The following TRIM71 variants were observed in gnomAD, a reference collection of about 807,000 sequenced individuals.
TRIM71 encodes E3 ubiquitin-protein ligase TRIM71.
TRIM71 carries 9 observed loss-of-function variants against 61.2 expected under a neutral mutation model. The ratio of observed to expected loss-of-function variants is 0.15; its 90% confidence interval spans 0.09 to 0.26. TRIM71 has a LOEUF of 0.26. TRIM71 is among the 10% of genes least tolerant of loss of function. The pLI, the probability that TRIM71 is intolerant of heterozygous loss-of-function variation, is 1.00. For missense variants in TRIM71, 998 were observed against 1,238.7 expected, an observed-to-expected ratio of 0.81 and a Z score of 2.92; for synonymous variants, 645 against 553.2, an observed-to-expected ratio of 1.17 and a Z score of -2.33.
At chr3:32,839,546 G>C (rs1696378993) in intron 1 of TRIM71, among the ~76,000 whole-genome samples, 1 of 151,918 alleles carries the variant, frequency 6.6e-6, no homozygotes, top group Non-Finnish European at 1.5e-5. Flanking sequence ...TGTTACCAAG[G>C]AGGAACGTCT....
In TRIM71 at chr3:32,818,067, G is replaced by T; in HGVS notation, c.-14G>T. On this transcript the variant is annotated 5_prime_UTR_variant, in exon 1 of 4. Coordinates refer to ENST00000383763, the MANE Select transcript of TRIM71 (RefSeq NM_001039111.3). Reference sequence around the variant, plus strand: ...TCCTCTCTGGTCTCCTCCCTCCTCCGGGCTGGGTTGCAAATGGCTTCGTTC... The same window carrying T: ...TCCTCTCTGGTCTCCTCCCTCCTCCTGGCTGGGTTGCAAATGGCTTCGTTC... 6.2e-7 allele frequency: 1 copy of T among 1,609,426 alleles called. No individual in the cohort carries two copies. Among genetic ancestry groups the T allele is most frequent in the Non-Finnish European group, 8.5e-7 (1 of 1,177,456 alleles).
At chr3:32,829,087 A>G (rs1440918509) in intron 1 of TRIM71, among the ~76,000 whole-genome samples, 1 of 151,372 alleles carries the variant, frequency 6.6e-6, no homozygotes, top group African/African-American at 2.4e-5. Flanking sequence ...TCCGCTTCCC[A>G]GGTTCAAGCA....
At chr3:32,840,454 A>G (rs1265581674) in intron 1 of TRIM71, among the ~76,000 whole-genome samples, 3 of 152,166 alleles carry the variant, frequency 2.0e-5, no homozygotes, top group Non-Finnish European at 4.4e-5. Flanking sequence ...GTTTTGGCCT[A>G]TTTCCTATAG....
At position 32,818,255 on chromosome 3, in the gene TRIM71, C is replaced by T. The variant is rs2125671745; in HGVS notation, c.175C>T (p.Leu59=). ...GGCGGCGGCGCGCCGCCTACACGTC[C>T]TGCCCTGCCTGCACGCCTTCTGCCG... ...PGAAARRLHV[L]PCLHAFCRPC... Residue 59 remains leucine, a synonymous_variant, in exon 1 of 4, where the codon CTG becomes TTG. Coordinates refer to ENST00000383763, the MANE Select transcript of TRIM71 (RefSeq NM_001039111.3). 2.8e-6 allele frequency: 4 copies of T among 1,447,708 alleles called. No individual in the cohort carries two copies. Among genetic ancestry groups the T allele is most frequent in the Middle Eastern group, 2.0e-4 (1 of 4,994 alleles). 89.7% of individuals were successfully genotyped at this position (1,447,708 alleles called of 1,614,324 possible). A position where few individuals can be genotyped will look rare whatever the true frequency, so the allele number is the denominator to read the frequency against.
intron 1 of TRIM71, among the ~76,000 whole-genome samples, chr3:32,855,442 A>G (rs1696589236): frequency 6.6e-6 from 1 of 152,116 alleles, no homozygotes; most frequent in Non-Finnish European, 1.5e-5. Context: ...CGCTGTGGGC[A>G]CAGTGACCCC....
intron 2 of TRIM71, among the ~76,000 whole-genome samples, chr3:32,878,808 A>G (rs185049142): frequency 1.1e-4 from 16 of 152,332 alleles, no homozygotes; most frequent in African/African-American, 3.6e-4. Flanking sequence ...CACCAGCTAC[A>G]TTAGTCCCTA....
intron 1 of TRIM71, among the ~76,000 whole-genome samples, chr3:32,864,120 G>A (rs74638839): frequency 0.017 from 2,584 of 152,300 alleles, 63 homozygotes; most frequent in East Asian, 0.12. Context: ...AAGCTGGAGT[G>A]CAGTGGAATG....
rs1481569526 is a variant in TRIM71 at position 32,891,805 on chromosome 3, C to A, written c.2601C>A (p.Val867=). 1.9e-6 allele frequency: 3 copies of A among 1,613,598 alleles called. No homozygotes were observed. Among genetic ancestry groups the A allele is most frequent in the Non-Finnish European group, 2.5e-6 (3 of 1,180,004 alleles). ...VVDFGNNRIL[V]F ...ACTTTGGCAACAATCGAATCCTCGT[C>A]TTCTAATTGCATTTCCTAGGTTTCT... The change falls in exon 4 of 4, where the codon GTC becomes GTA. Residue 867 remains valine, a synonymous_variant. Transcript: ENST00000383763. This position sits in a 1 kb window ranked among gnomAD's most constrained non-coding sequence, Gnocchi z 8.2.
chr3:32,867,755 G>A (rs1188612357), intron 1 of TRIM71, among the ~76,000 whole-genome samples: 1 of 152,168 alleles, frequency 6.6e-6, no homozygotes, highest in Non-Finnish European at 1.5e-5. Flanking sequence ...TGTACTCAGT[G>A]ATTGTCAAAA....
intron 1 of TRIM71, among the ~76,000 whole-genome samples, chr3:32,866,386 C>T (rs1205250008): frequency 6.6e-6 from 1 of 152,060 alleles, no homozygotes; most frequent in African/African-American, 2.4e-5. Context: ...GCTAGGATTA[C>T]AGGGCCTGCC....
In TRIM71 at chr3:32,896,149, T is replaced by C. The variant is rs774347959; in HGVS notation, c.*4338T>C. The C allele has an allele frequency of 9.2e-5, 14 of 152,338 alleles. No individual in the cohort carries two copies. Among genetic ancestry groups the C allele is most frequent in the Non-Finnish European group, 1.8e-4 (12 of 68,028 alleles). The allele number at this position is 152,338 out of a possible 1,614,324, so 9.4% of individuals were successfully genotyped here. A position where few individuals can be genotyped will look rare whatever the true frequency, so the allele number is the denominator to read the frequency against. On this transcript the variant is annotated 3_prime_UTR_variant, in exon 4 of 4. Coordinates refer to ENST00000383763, the MANE Select transcript of TRIM71 (RefSeq NM_001039111.3). ...GAGGACTTAACTACAAATAAAGACC[T>C]TTAGGTCTCTTTCTCTTCAAGAGAA...
intron 1 of TRIM71, among the ~76,000 whole-genome samples, chr3:32,845,804 T>C (rs1046278397): frequency 1.5e-4 from 22 of 151,228 alleles, no homozygotes; most frequent in African/African-American, 5.3e-4. Flanking sequence ...CTCTGCAACC[T>C]CCGCCTCCCG....
chr3:32,889,415 T>C (rs2125693130), intron 3 of TRIM71, among the ~76,000 whole-genome samples: 1 of 152,274 alleles, frequency 6.6e-6, no homozygotes, highest in East Asian at 1.9e-4. Flanking sequence ...GTAGCTGGGA[T>C]TACAGGTGCA....
intron 1 of TRIM71, among the ~76,000 whole-genome samples, chr3:32,856,929 A>G (rs1696612663): frequency 6.6e-6 from 1 of 152,046 alleles, no homozygotes; most frequent in Admixed American, 6.5e-5. Context: ...CCCCGAGAGG[A>G]AATGTAGTAT....
rs1221872440 is a variant in TRIM71 at position 32,878,416 on chromosome 3, CCTGA to C, written c.1020+4434_1020+4437del. The stretch of plus-strand genomic sequence containing the variant: ...CCTGGGATGAGGAGTTTGAGACCAG[CCTGA>C]CTAACACAGAGAAACAGAAACCCCT... On this transcript the variant is annotated intron_variant, in intron 2 of 3. Coordinates refer to ENST00000383763, the MANE Select transcript of TRIM71 (RefSeq NM_001039111.3). Among the ~76,000 whole-genome samples, 3 of 152,224 alleles carry C rather than the reference CCTGA, an allele frequency of 2.0e-5. No individual in the cohort carries two copies. The East Asian group carries it at 5.8e-4, about 29-fold the overall frequency.
intron 1 of TRIM71, among the ~76,000 whole-genome samples, chr3:32,850,626 C>T (rs894735779): frequency 9.9e-5 from 15 of 152,208 alleles, no homozygotes; most frequent in African/African-American, 3.6e-4. Context: ...TGGAACATAA[C>T]AGCAAATAAA....
intron 1 of TRIM71, among the ~76,000 whole-genome samples, chr3:32,871,865 C>T (rs907717416): frequency 2.0e-5 from 3 of 152,176 alleles, no homozygotes; most frequent in Non-Finnish European, 4.4e-5. Flanking sequence ...GGATCTGGGC[C>T]GGGTGCGTTG....
chr3:32,856,278 A>G (rs1335287979), intron 1 of TRIM71, among the ~76,000 whole-genome samples: 1 of 152,018 alleles, frequency 6.6e-6, no homozygotes, highest in Non-Finnish European at 1.5e-5. Flanking sequence ...CGGCCTCCCA[A>G]AGTGCTGGGA....
chr3:32,851,842 A>C (rs1289515165), intron 1 of TRIM71, among the ~76,000 whole-genome samples: 1 of 152,146 alleles, frequency 6.6e-6, no homozygotes, highest in Non-Finnish European at 1.5e-5. Flanking sequence ...TGGGAAACTT[A>C]ATTATTTCAA....
Sources: gnomAD v4.1 joint callset for allele counts (sites outside exome capture counted in the v4.1 genomes callset) on GRCh38, gnomAD v4.1.1 for gene constraint, Gnocchi (gnomAD v3.1) non-coding constraint, MANE v1.5 for transcripts, NCBI Gene and HGNC (gene_info 2026-07-23, HGNC 2026-07-21) for gene names.